SGCD: variants seen among roughly 807,000 people sequenced by gnomAD.
SGCD encodes the protein delta-sarcoglycan.
SGCD carries 18 observed loss-of-function variants against 36.6 expected under a neutral mutation model. The ratio of observed to expected loss-of-function variants is 0.49; its 90% confidence interval spans 0.34 to 0.73. The LOEUF (loss-of-function observed/expected upper bound fraction) is 0.73, where lower values mean the gene tolerates loss of function less well. SGCD is among the 30% of genes least tolerant of loss of function. The pLI is 0.01. For synonymous variants in SGCD, 133 were observed against 130.6 expected (o/e 1.02, Z -0.12); for missense variants, 387 against 346.7 (o/e 1.12, Z -0.92).
At chr5:155,888,321 G>A (rs1010400435) in intron 1 of SGCD, among the ~76,000 whole-genome samples, 2 of 152,102 alleles carry the variant, frequency 1.3e-5, no homozygotes, top group African/African-American at 4.8e-5. Flanking sequence ...GGTCCTTCAT[G>A]GCCGTCTTAC....
intron 3 of SGCD, among the ~76,000 whole-genome samples, chr5:156,502,757 GTT>G (rs1383396770): frequency 6.6e-6 from 1 of 152,122 alleles, no homozygotes; most frequent in Non-Finnish European, 1.5e-5. Context: ...AAGATGAAAT[GTT>G]TTTTAATAAA....
chr5:156,248,853 C>T (rs1765505365), intron 3 of SGCD, among the ~76,000 whole-genome samples: 1 of 152,100 alleles, frequency 6.6e-6, no homozygotes, highest in South Asian at 2.1e-4. Context: ...TTTGTATGAA[C>T]AGGATATTTG....
At chr5:156,223,525 G>A (rs1463114015) in intron 3 of SGCD, among the ~76,000 whole-genome samples, 7 of 152,124 alleles carry the variant, frequency 4.6e-5, no homozygotes. Flanking sequence ...TGCTTTGGGT[G>A]TAGAAGTTGT....
intron 3 of SGCD, among the ~76,000 whole-genome samples, chr5:156,261,753 G>A (rs1312640077): frequency 6.6e-6 from 1 of 152,132 alleles, no homozygotes; most frequent in Non-Finnish European, 1.5e-5. Flanking sequence ...ACCTTCCAGT[G>A]GGATAAGATG....
chr5:156,403,614 C>T (rs12054876), intron 3 of SGCD, among the ~76,000 whole-genome samples: 1 of 151,894 alleles, frequency 6.6e-6, no homozygotes, highest in East Asian at 1.9e-4. Context: ...AACTTGCTCC[C>T]GTGTCTTTGT....
chr5:156,582,397 A>G (rs1371206660), intron 4 of SGCD, among the ~76,000 whole-genome samples: 1 of 152,058 alleles, frequency 6.6e-6, no homozygotes, highest in Non-Finnish European at 1.5e-5. Context: ...GGTGCATAAA[A>G]GGGCAACCAA....
chr5:156,343,131 G>T (rs1447587409), intron 2 of SGCD, among the ~76,000 whole-genome samples: 1 of 151,618 alleles, frequency 6.6e-6, no homozygotes, highest in East Asian at 1.9e-4. Context: ...AAATCATATT[G>T]TGAACCATCT....
the SGCD span, among the ~76,000 whole-genome samples, chr5:155,790,041 T>C: frequency 6.6e-6 from 1 of 152,110 alleles, no homozygotes; most frequent in African/African-American, 2.4e-5. Context: ...ACCTTGATTA[T>C]ATTCTCTGAA....
At chr5:156,559,223 C>T (rs974651726) in intron 4 of SGCD, among the ~76,000 whole-genome samples, 1 of 152,144 alleles carries the variant, frequency 6.6e-6, no homozygotes, top group Non-Finnish European at 1.5e-5. Flanking sequence ...GTGCCCCTGG[C>T]TCTCTCAGAC....
chr5:155,905,595 G>A (rs1402562291), intron 1 of SGCD, among the ~76,000 whole-genome samples: 2 of 152,050 alleles, frequency 1.3e-5, no homozygotes, highest in Non-Finnish European at 2.9e-5. Context: ...TGGCTTTATT[G>A]TGTGATATGG....
At chr5:155,762,070 A>T in the SGCD span, among the ~76,000 whole-genome samples, 1 of 152,232 alleles carries the variant, frequency 6.6e-6, no homozygotes, top group East Asian at 1.9e-4. Flanking sequence ...AATTGCCACT[A>T]AGTGGCTGCA....
chr5:156,746,549 C>T (rs1756945071), intron 7 of SGCD, among the ~76,000 whole-genome samples: 1 of 152,012 alleles, frequency 6.6e-6, no homozygotes, highest in Admixed American at 6.5e-5. Context: ...CAGATAAATA[C>T]ACCAGAGAGT....
At chr5:156,625,215 CT>C (rs978484344) in intron 6 of SGCD, among the ~76,000 whole-genome samples, 3 of 151,566 alleles carry the variant, frequency 2.0e-5, no homozygotes, top group Admixed American at 1.3e-4. Flanking sequence ...TGTTTCTTCA[CT>C]TTTTTTTTCT....
chr5:156,579,761 G>T (rs532994283), intron 4 of SGCD, among the ~76,000 whole-genome samples: 1 of 152,074 alleles, frequency 6.6e-6, no homozygotes, highest in Admixed American at 6.5e-5. Context: ...TTTTCCATTT[G>T]CTTGGTAGAT....
intron 3 of SGCD, among the ~76,000 whole-genome samples, chr5:156,402,848 T>C (rs1355895169): frequency 1.3e-5 from 2 of 152,146 alleles, no homozygotes; most frequent in Non-Finnish European, 2.9e-5. Flanking sequence ...GCGGTCACCA[T>C]GGTTACCGCG....
At chr5:155,970,838 G>A (rs1186045290) in intron 1 of SGCD, among the ~76,000 whole-genome samples, 3 of 152,182 alleles carry the variant, frequency 2.0e-5, no homozygotes, top group African/African-American at 4.8e-5. Context: ...TGTTTCAGTA[G>A]CAAGTATCAG....
chr5:156,194,414 T>G (rs900701009), intron 3 of SGCD, among the ~76,000 whole-genome samples: 1 of 152,002 alleles, frequency 6.6e-6, no homozygotes, highest in East Asian at 1.9e-4. Context: ...GAAAAAATAC[T>G]GTGTAAAAAG....
At chr5:156,310,155 T>C (rs1310100733) in intron 3 of SGCD, among the ~76,000 whole-genome samples, 1 of 152,204 alleles carries the variant, frequency 6.6e-6, no homozygotes, top group Non-Finnish European at 1.5e-5. Context: ...TTCTATATCC[T>C]CCCATACATG....
At chr5:156,727,940 A>G (rs1323456157) in intron 7 of SGCD, among the ~76,000 whole-genome samples, 1 of 152,198 alleles carries the variant, frequency 6.6e-6, no homozygotes, top group Non-Finnish European at 1.5e-5. Flanking sequence ...TCAATCCATA[A>G]ACAATACAAC....
Sources: allele counts gnomAD v4.1 joint callset (sites outside exome capture counted in the v4.1 genomes callset), GRCh38; gene constraint gnomAD v4.1.1; transcripts MANE v1.5; gene names NCBI Gene and HGNC (gene_info 2026-07-23, HGNC 2026-07-21).